The following TAF3 variants were observed in gnomAD, a reference collection of about 807,000 sequenced individuals.
The protein encoded by TAF3 is transcription initiation factor TFIID subunit 3.
In TAF3, 7 loss-of-function variants were observed where a neutral mutation model predicts 80.6. The observed-to-expected ratio is 0.09, with a 90% CI of 0.05 to 0.16. The LOEUF is 0.16. TAF3 is among the 10% of genes least tolerant of loss of function. The pLI is 1.00. For missense variants in TAF3, 921 were observed against 1,140.2 expected (o/e 0.81, Z 2.77); for synonymous variants, 444 against 446.1 (o/e 1.00, Z 0.06).
Position 7,933,990 on chromosome 10 carries a change from A to G in TAF3, c.410-29930A>G, listed in dbSNP as rs147124692. 3.9e-3 allele frequency among the ~76,000 whole-genome samples: 591 copies of G among 152,330 alleles called. 2 individuals are homozygous for G. Among genetic ancestry groups the G allele is most frequent in the African/African-American group, 0.013 (533 of 41,582 alleles). On this transcript the variant is annotated intron_variant, in intron 2 of 6. Transcript: ENST00000344293. ...GCACACATGCACCGAAACCTGCAGA[A>G]TGAGTGTCAATGGCTTGTAGGAAAA... is the stretch of plus-strand genomic sequence containing the variant.
At chr10:7,850,735 G>C (rs926051687) in intron 2 of TAF3, among the ~76,000 whole-genome samples, 1 of 151,390 alleles carries the variant, frequency 6.6e-6, no homozygotes, top group African/African-American at 2.4e-5. Context: ...ACACTAATAC[G>C]ATTTAAAATA....
chr10:7,994,952 A>G (rs1307744561), intron 4 of TAF3, among the ~76,000 whole-genome samples: 1 of 149,454 alleles, frequency 6.7e-6, no homozygotes, highest in Non-Finnish European at 1.5e-5. Flanking sequence ...TCCAGGCGAC[A>G]GAGCAAGACT....
intron 2 of TAF3, among the ~76,000 whole-genome samples, chr10:7,855,212 C>T (rs1251833428): frequency 6.6e-6 from 1 of 152,148 alleles, no homozygotes; most frequent in Non-Finnish European, 1.5e-5. Context: ...TCAGGTACTT[C>T]TGGAAGTGAG....
intron 2 of TAF3, among the ~76,000 whole-genome samples, chr10:7,867,140 T>A (rs988515782): frequency 1.6e-4 from 25 of 151,914 alleles, no homozygotes; most frequent in African/African-American, 5.6e-4. Context: ...GCCCCTGTCA[T>A]CCCAGCTACT....
intron 2 of TAF3, among the ~76,000 whole-genome samples, chr10:7,954,017 C>T (rs1354107940): frequency 7.0e-6 from 1 of 141,982 alleles, no homozygotes; most frequent in Non-Finnish European, 1.5e-5. Flanking sequence ...TAACACAGAG[C>T]TCTCCATAGT....
intron 2 of TAF3, among the ~76,000 whole-genome samples, chr10:7,842,159 T>TG (rs1836922808): frequency 1.9e-5 from 2 of 103,548 alleles, no homozygotes; most frequent in African/African-American, 7.6e-5. Context: ...TTGTTTTTTT[T>TG]TTTTGTTTTT....
At chr10:7,826,768 A>G (rs1439992982) in intron 2 of TAF3, among the ~76,000 whole-genome samples, 1 of 152,240 alleles carries the variant, frequency 6.6e-6, no homozygotes, top group African/African-American at 2.4e-5. Flanking sequence ...TCATAAGAAA[A>G]GGATATAAAA....
intron 2 of TAF3, among the ~76,000 whole-genome samples, chr10:7,880,692 C>T (rs1238287675): frequency 6.6e-6 from 1 of 152,084 alleles, no homozygotes; most frequent in Non-Finnish European, 1.5e-5. Context: ...TTAAGTCCCT[C>T]ATCTAGGTGG....
chr10:7,929,702 A>C (rs775517933), intron 2 of TAF3, among the ~76,000 whole-genome samples: 1 of 152,184 alleles, frequency 6.6e-6, no homozygotes, highest in Non-Finnish European at 1.5e-5. Context: ...TATCTGTATA[A>C]AATATAATAA....
chr10:7,836,056 G>A (rs984967444), intron 2 of TAF3, among the ~76,000 whole-genome samples: 1 of 152,062 alleles, frequency 6.6e-6, no homozygotes, highest in Non-Finnish European at 1.5e-5. Context: ...CCATCTTGGG[G>A]CCTTTCTTGG....
intron 2 of TAF3, among the ~76,000 whole-genome samples, chr10:7,871,266 T>A (rs113329426): frequency 2.0e-5 from 3 of 152,060 alleles, no homozygotes; most frequent in Admixed American, 6.6e-5. Flanking sequence ...ATATTAGTAA[T>A]GATGGCTATT....
At position 7,965,676 on chromosome 10, in the gene TAF3, A is replaced by C. The variant is rs753893941; in HGVS notation, c.2166A>C (p.Glu722Asp). 1.9e-6 allele frequency: 3 copies of C among 1,582,798 alleles called. No homozygotes were observed. Among genetic ancestry groups the C allele is most frequent in the Admixed American group, 2.0e-5 (1 of 51,260 alleles). The change falls in exon 3 of 7, where the codon GAA (glutamate) becomes GAC (aspartate). Residue 722 changes from glutamate (E) to aspartate (D), a missense_variant. By Grantham distance (45) the Glu-to-Asp change is conservative. This residue lies in a region of TAF3 where 743 missense variants were observed against 821.0 expected (regional missense o/e 0.90). Transcript: ENST00000344293. ...AAGAGAAGGAGAAGAAGGAGAAGGA[A>C]AGAGAGAAAGAGAAGAGAGAGCGAG... is the stretch of plus-strand genomic sequence containing the variant. The part of the protein sequence containing the change: ...KEKEKEKKEK[E>D]REKEKREREK...
chr10:7,871,726 G>C (rs762111577), intron 2 of TAF3, among the ~76,000 whole-genome samples: 2 of 152,044 alleles, frequency 1.3e-5, no homozygotes, highest in Non-Finnish European at 2.9e-5. Flanking sequence ...TTACAGGCGG[G>C]AGCCACCGCG....
intron 4 of TAF3, among the ~76,000 whole-genome samples, chr10:7,983,360 T>C (rs1831744889): frequency 6.6e-6 from 1 of 152,182 alleles, no homozygotes; most frequent in Non-Finnish European, 1.5e-5. Context: ...ATATGTTTTA[T>C]TGTAGTTAGG....
In TAF3 at chr10:7,964,503, C is replaced by T; in HGVS notation, c.993C>T (p.Pro331=). 1 of 1,613,366 alleles carries T rather than the reference C, an allele frequency of 6.2e-7. No individual in the cohort carries two copies. Among genetic ancestry groups the T allele is most frequent in the Non-Finnish European group, 8.5e-7 (1 of 1,179,726 alleles). ...GCCCCAAGGTCACGACTCACATTCC[C>T]CAAACACCTGTGAGACCTGAAACGC... The part of the protein sequence containing the change: ...PKSPKVTTHI[P]QTPVRPETPN... Residue 331 remains proline (P), a synonymous_variant, in exon 3 of 7, where the codon CCC becomes CCT. Transcript: ENST00000344293. This position sits in a 1 kb window ranked among gnomAD's most constrained non-coding sequence, Gnocchi z 4.1.
intron 5 of TAF3, among the ~76,000 whole-genome samples, 197 bp from the exon 6 acceptor site, chr10:8,013,534 A>G (rs1338324167): frequency 2.0e-5 from 3 of 152,198 alleles, no homozygotes; most frequent in Non-Finnish European, 4.4e-5. Flanking sequence ...TTGAACACTT[A>G]GCGTTTTTCT....
chr10:8,013,962 T>G (rs1233563403), intron 6 of TAF3, 125 bp downstream of exon 6: 1 of 730,616 alleles, frequency 1.4e-6, no homozygotes, highest in African/African-American at 1.7e-5. Context: ...GGACAGTACA[T>G]GGAGTCAAAT....
At chr10:7,898,051 T>C (rs1487163942) in intron 2 of TAF3, among the ~76,000 whole-genome samples, 1 of 152,246 alleles carries the variant, frequency 6.6e-6, no homozygotes, top group East Asian at 1.9e-4. Context: ...ATTATGTCTT[T>C]GCCTTTTATT....
intron 2 of TAF3, among the ~76,000 whole-genome samples, chr10:7,843,021 G>A (rs551635606): frequency 1.2e-4 from 18 of 152,306 alleles, no homozygotes; most frequent in East Asian, 5.8e-4. Context: ...CTGCTAGGGC[G>A]TAGTCTGTGT....
Sources: allele counts gnomAD v4.1 joint callset (sites outside exome capture counted in the v4.1 genomes callset), GRCh38; gene constraint gnomAD v4.1.1; regional missense constraint gnomAD v4.1.1; non-coding constraint Gnocchi (gnomAD v3.1); transcripts MANE v1.5; gene names NCBI Gene and HGNC (gene_info 2026-07-23, HGNC 2026-07-21).